Variants in DEPDC7 observed in about 807,000 individuals in gnomAD.
The protein encoded by DEPDC7 is DEP domain-containing protein 7.
DEPDC7 carries 41 observed loss-of-function variants against 56.6 expected under a neutral mutation model. That is an observed-to-expected ratio of 0.72 (90% confidence interval 0.56 to 0.94). The LOEUF is 0.94. Ranked by LOEUF, DEPDC7 falls within the 40% of genes least tolerant of loss-of-function variation. The pLI is 0.00. For missense variants in DEPDC7, 522 were observed against 596.3 expected (o/e 0.88, Z 1.30); for synonymous variants, 185 against 208.8 (o/e 0.89, Z 0.98).
chr11:33,031,484 T>G lies in DEPDC7; in HGVS notation c.889T>G (p.Leu297Val). ...TCCTGAGCAACCAGACCGAACAGACTTAGTGAAAGAACTTCTGTTTGATGC... is the reference window on the plus strand; with the variant it reads ...TCCTGAGCAACCAGACCGAACAGACGTAGTGAAAGAACTTCTGTTTGATGC... ...SFPEQPDRTD[L>V]VKELLFDAIG... The change falls in exon 5 of 9, where the codon TTA becomes GTA. Residue 297 changes from leucine to valine, a missense_variant. By Grantham distance (32) the Leu-to-Val change is conservative (BLOSUM62 1). Coordinates refer to ENST00000241051, the MANE Select transcript of DEPDC7 (RefSeq NM_001077242.2). The G allele has an allele frequency of 6.2e-7, 1 of 1,614,160 alleles. No homozygotes were observed. Among genetic ancestry groups the G allele is most frequent in the East Asian group, 2.2e-5 (1 of 44,870 alleles).
At chr11:33,025,502 A>G (rs1853567580) in intron 1 of DEPDC7, among the ~76,000 whole-genome samples, 157 bp from the exon 2 acceptor site, 1 of 152,206 alleles carries the variant, frequency 6.6e-6, no homozygotes, top group Non-Finnish European at 1.5e-5. Context: ...TTTTAAATGA[A>G]TCGCTATTAA....
rs780751700 is a variant in DEPDC7 at position 33,015,924 on chromosome 11, C to A, written c.-32C>A. 2.6e-6 allele frequency: 4 copies of A among 1,551,876 alleles called. No homozygotes were observed. Among genetic ancestry groups the A allele is most frequent in the South Asian group, 2.4e-5 (2 of 83,352 alleles). ...AGGGAGCTAGGGAGCTGTGAAGCTG[C>A]TGGAGGAGTTGGCGTCCGGGGAGCA... On this transcript the variant is annotated 5_prime_UTR_variant, in exon 1 of 9. It adds an upstream start codon to the 5' untranslated region. Transcript: ENST00000241051.
chr11:33,031,318 T>C, intron 4 of DEPDC7, 60 bp from the exon 5 acceptor site: 1 of 1,297,460 alleles, frequency 7.7e-7, no homozygotes, highest in Non-Finnish European at 1.1e-6. Context: ...TATTTGTTAT[T>C]CTTTGCCTTT....
intron 2 of DEPDC7, chr11:33,026,366 G>A (rs1422424243): frequency 3.1e-6 from 1 of 321,710 alleles, no homozygotes; most frequent in Admixed American, 4.2e-5. Flanking sequence ...CCAGATTGCG[G>A]TGGGAGAGAA....
Position 33,015,912 on chromosome 11 carries a change from G to A in DEPDC7, c.-44G>A, listed in dbSNP as rs375775065. On this transcript the variant is annotated 5_prime_UTR_variant, in exon 1 of 9. Coordinates refer to ENST00000241051, the MANE Select transcript of DEPDC7 (RefSeq NM_001077242.2). ...AGACGGGCGCTCAGGGAGCTAGGGA[G>A]CTGTGAAGCTGCTGGAGGAGTTGGC... 37 of 1,535,488 alleles carry A rather than the reference G, an allele frequency of 2.4e-5. No homozygotes were observed. The highest frequency in any genetic ancestry group is 3.4e-4 in the Middle Eastern group (2 of 5,888).
At chr11:33,026,262 C>A in intron 2 of DEPDC7, 1 of 576,580 alleles carries the variant, frequency 1.7e-6, no homozygotes, top group Non-Finnish European at 3.1e-6. Flanking sequence ...AGTCAACACA[C>A]TTTGATTTTC....
chr11:33,016,557 G>C, intron 1 of DEPDC7: 1 of 1,614,216 alleles, frequency 6.2e-7, no homozygotes, highest in Non-Finnish European at 8.5e-7. Flanking sequence ...GTTTATGTGA[G>C]TTCTACTGGC....
At chr11:33,026,515 C>A (rs1389409731) in intron 2 of DEPDC7, 3 of 228,866 alleles carry the variant, frequency 1.3e-5, no homozygotes, top group Non-Finnish European at 2.6e-5. Context: ...CCTTTGTTAC[C>A]CTCAGCTAAA....
chr11:33,027,545 AATTT>A, intron 2 of DEPDC7, 137 bp from the exon 3 acceptor site: 2 of 623,406 alleles, frequency 3.2e-6, no homozygotes, highest in East Asian at 3.5e-5. Flanking sequence ...GTGTTTTTAT[AATTT>A]ATTCTACTCT....
intron 1 of DEPDC7, among the ~76,000 whole-genome samples, 155 bp from the exon 2 acceptor site, chr11:33,025,504 C>T (rs1386374175): frequency 6.6e-6 from 1 of 152,090 alleles, no homozygotes; most frequent in Non-Finnish European, 1.5e-5. Context: ...TTAAATGAAT[C>T]GCTATTAAAA....
At chr11:33,031,008 C>G (rs551945783) in intron 4 of DEPDC7, among the ~76,000 whole-genome samples, 1 of 152,336 alleles carries the variant, frequency 6.6e-6, no homozygotes, top group African/African-American at 2.4e-5. Flanking sequence ...GCCCAGAACT[C>G]AGATCTGAGA....
chr11:33,028,550 G>A lies in DEPDC7; in HGVS notation c.593-53G>A. On this transcript the variant is annotated intron_variant, in intron 3 of 8. Coordinates refer to ENST00000241051, the MANE Select transcript of DEPDC7 (RefSeq NM_001077242.2). ...CCTGCTTAGAAAAATATTATGGTGA[G>A]CATATAGTAACTATTAATTGTTACT... 3.5e-6 allele frequency: 5 copies of A among 1,410,106 alleles called. No homozygotes were observed. In the South Asian group the frequency reaches 7.2e-5, roughly 20 times the overall value. The allele number at this position is 1,410,106 out of a possible 1,614,324, so 87.3% of individuals were successfully genotyped here.
intron 1 of DEPDC7, chr11:33,016,236 C>G (rs1853458862): frequency 2.3e-6 from 3 of 1,318,432 alleles, no homozygotes; most frequent in Non-Finnish European, 2.9e-6. Context: ...GGGCTGCAAG[C>G]GGCAGAGCCC....
At chr11:33,025,383 A>G (rs1240460449) in intron 1 of DEPDC7, among the ~76,000 whole-genome samples, 1 of 152,126 alleles carries the variant, frequency 6.6e-6, no homozygotes, top group Non-Finnish European at 1.5e-5. Flanking sequence ...ACACGTATGG[A>G]TTGTCTTTAT....
At chr11:33,030,391 A>C (rs989575588) in intron 4 of DEPDC7, among the ~76,000 whole-genome samples, 2 of 152,156 alleles carry the variant, frequency 1.3e-5, no homozygotes, top group Non-Finnish European at 2.9e-5. Flanking sequence ...CACCTGGCTG[A>C]ATTAGTTGTC....
chr11:33,016,153 G>T (rs1564962192), intron 1 of DEPDC7, 125 bp downstream of exon 1: 3 of 1,237,496 alleles, frequency 2.4e-6, no homozygotes, highest in South Asian at 3.7e-5. Context: ...CCGGCTGGGC[G>T]AGCACAGCAC....
intron 5 of DEPDC7, 36 bp from the exon 6 acceptor site, chr11:33,032,300 G>T (rs12276953): frequency 2.6e-6 from 4 of 1,534,098 alleles, no homozygotes; most frequent in African/African-American, 2.9e-5. Flanking sequence ...AGTCATATTT[G>T]GTCAATTAAA....
At chr11:33,024,528 C>T (rs984236627) in intron 1 of DEPDC7, among the ~76,000 whole-genome samples, 1 of 133,368 alleles carries the variant, frequency 7.5e-6, no homozygotes, top group African/African-American at 2.6e-5. Context: ...GTTGTGCAAA[C>T]ATCATAGAGT....
chr11:33,024,802 C>CTGTGTGTGTG lies in DEPDC7; in HGVS notation c.74-829_74-820dup, dbSNP rs35371602. Among the ~76,000 whole-genome samples the CTGTGTGTGTG allele has an allele frequency of 8.5e-3, 1,252 of 146,488 alleles. 14 individuals are homozygous for CTGTGTGTGTG. Among genetic ancestry groups the CTGTGTGTGTG allele is most frequent in the Middle Eastern group, 0.014 (4 of 288 alleles). ...AAATGTTGTTTTGTGATGCATGACT[C>CTGTGTGTGTG]TGTGTGTGTGTGTGTGTGTGTGTGT... On this transcript the variant is annotated intron_variant, in intron 1 of 8. Transcript: ENST00000241051.
Sources: gnomAD v4.1 joint callset for allele counts (sites outside exome capture counted in the v4.1 genomes callset) on GRCh38, gnomAD v4.1.1 for gene constraint, MANE v1.5 for transcripts, NCBI Gene and HGNC (gene_info 2026-07-23, HGNC 2026-07-21) for gene names.